Variants in ARHGEF15 observed in about 807,000 individuals in gnomAD.
The protein encoded by ARHGEF15 is Rho guanine nucleotide exchange factor 15.
In ARHGEF15, 58 loss-of-function variants were observed where a neutral mutation model predicts 79.7. The observed-to-expected ratio is 0.73, with a 90% CI of 0.59 to 0.91. ARHGEF15 has a LOEUF of 0.91. Ranked by LOEUF, ARHGEF15 falls within the 40% of genes least tolerant of loss-of-function variation. The pLI is 0.00. For synonymous variants in ARHGEF15, 442 were observed against 456.0 expected (o/e 0.97, Z 0.39); for missense variants, 1,012 against 1,108.1 (o/e 0.91, Z 1.23).
Position 8,312,516 on chromosome 17 carries a change from G to A in ARHGEF15, c.477G>A (p.Gly159=). 1 of 1,611,354 alleles carries A rather than the reference G, an allele frequency of 6.2e-7. No individual in the cohort carries two copies. Among genetic ancestry groups the A allele is most frequent in the Non-Finnish European group, 8.5e-7 (1 of 1,178,820 alleles). The part of the protein sequence containing the change: ...TVRRLAGRFE[G]GAEGRAQDAD... ...GGAGGCTGGCTGGCAGGTTTGAAGGGGGTGCTGAAGGCCGGGCTCAGGATG... is the reference window on the plus strand; with the variant it reads ...GGAGGCTGGCTGGCAGGTTTGAAGGAGGTGCTGAAGGCCGGGCTCAGGATG... Residue 159 remains glycine (G), a synonymous_variant, in exon 2 of 16, where the codon GGG becomes GGA. Transcript: ENST00000361926.
rs871841 is a variant in ARHGEF15, at chr17:8,313,150, T to C, written c.830T>C (p.Leu277Pro). Residue 277 changes from leucine to proline, a missense_variant, in exon 3 of 16, where the codon CTC becomes CCC. Physicochemically the swap from Leu to Pro is moderately conservative, Grantham distance 98. Coordinates refer to ENST00000361926, the MANE Select transcript of ARHGEF15 (RefSeq NM_173728.4). ...RSTAERKLLP[L>P]LKPPKPTRVR... ...ACTGCTGAGCGCAAACTCCTGCCAC[T>C]CCTCAAGCCTCCCAAACCAACTCGT... is the stretch of plus-strand genomic sequence containing the variant. 842,996 of 1,595,034 alleles carry C rather than the reference T, an allele frequency of 0.53. 225,057 individuals are homozygous for C. The highest frequency in any genetic ancestry group is 0.78 in the East Asian group (34,675 of 44,550).
rs1220130936 is a variant in ARHGEF15, at chr17:8,318,328, C to T, written c.1705-59C>T. 2.0e-6 allele frequency: 3 copies of T among 1,534,818 alleles called. No individual in the cohort carries two copies. The highest frequency in any genetic ancestry group is 2.7e-6 in the Non-Finnish European group (3 of 1,123,004). Reference sequence around the variant, plus strand: ...AGACAGGGTCCTCTGAGCTGTGGCCCCTCTGAATCCCAGGGCCACAGAGCA... The same window carrying T: ...AGACAGGGTCCTCTGAGCTGTGGCCTCTCTGAATCCCAGGGCCACAGAGCA... On this transcript the variant is annotated intron_variant, in intron 9 of 15. Coordinates refer to ENST00000361926, the MANE Select transcript of ARHGEF15 (RefSeq NM_173728.4). The surrounding 1 kb of genome is among the most constrained non-coding windows in gnomAD (Gnocchi z 5.0).
rs1359357762 is a variant in ARHGEF15, at chr17:8,315,724, G to T, written c.1422-31G>T. 6.2e-7 allele frequency: 1 copy of T among 1,605,446 alleles called. No homozygotes were observed. The highest frequency in any genetic ancestry group is 8.5e-7 in the Non-Finnish European group (1 of 1,175,434). ...CCCGGGAGACCTGGCTCTCTGCCCC[G>T]CCCCATTGCTTGCTTCCCCAATTCC... On this transcript the variant is annotated intron_variant, in intron 7 of 15. Transcript: ENST00000361926. This position sits in a 1 kb window ranked among gnomAD's most constrained non-coding sequence, Gnocchi z 4.3.
At position 8,312,565 on chromosome 17, in the gene ARHGEF15, C is replaced by T; in HGVS notation, c.526C>T (p.Gln176Ter). 1 of 1,609,154 alleles carries T rather than the reference C, an allele frequency of 6.2e-7. No individual in the cohort carries two copies. The highest frequency in any genetic ancestry group is 8.5e-7 in the Non-Finnish European group (1 of 1,177,476). The part of the protein sequence containing the change: ...QDADAPEPGL[Q>*]ARADVNGERE... ...TGCAGATGCCCCGGAGCCAGGTCTC[C>T]AAGCGAGAGCAGATGTGAATGGGGA... The change falls in exon 2 of 16, where the codon CAA becomes TAA. Residue 176 changes from glutamine (Q) to a stop codon, truncating the protein, a stop_gained. Transcript: ENST00000361926. LOFTEE classifies it high-confidence loss of function.
chr17:8,316,167 G>A lies in ARHGEF15; in HGVS notation c.1704+19G>A, dbSNP rs1452708751. The stretch of plus-strand genomic sequence containing the variant: ...GCTGCAGGTACCTGTCCCAGCTGCG[G>A]CCGTTTCTGCCCCACCAACCCCATC... On this transcript the variant is annotated intron_variant, in intron 9 of 15. Coordinates refer to ENST00000361926, the MANE Select transcript of ARHGEF15 (RefSeq NM_173728.4). 2.5e-6 allele frequency: 4 copies of A among 1,596,102 alleles called. No individual in the cohort carries two copies. The highest frequency in any genetic ancestry group is 3.4e-6 in the Non-Finnish European group (4 of 1,177,588).
At position 8,315,585 on chromosome 17, in the gene ARHGEF15, T is replaced by A; in HGVS notation, c.1421+11T>A. 6.2e-7 allele frequency: 1 copy of A among 1,606,434 alleles called. No individual in the cohort carries two copies. The highest frequency in any genetic ancestry group is 8.5e-7 in the Non-Finnish European group (1 of 1,179,888). On this transcript the variant is annotated intron_variant, in intron 7 of 15. Coordinates refer to ENST00000361926, the MANE Select transcript of ARHGEF15 (RefSeq NM_173728.4). The surrounding 1 kb of genome is among the most constrained non-coding windows in gnomAD (Gnocchi z 4.3). ...GGGAGTCAGCGAGCGGTCAGTGGCT[T>A]TCCGTCCTTCCAGGGAACCTGCCCT...
chr17:8,319,164 G>T lies in ARHGEF15; in HGVS notation c.2186+5G>T. 6.2e-7 allele frequency: 1 copy of T among 1,613,196 alleles called. No homozygotes were observed. The highest frequency in any genetic ancestry group is 8.5e-7 in the Non-Finnish European group (1 of 1,179,628). Reference sequence around the variant, plus strand: ...ACTACTCCAAGCTTCTTCCCTGTGAGTTGTGTTTCCCTCAGAAAACAACCT... The same window carrying T: ...ACTACTCCAAGCTTCTTCCCTGTGATTTGTGTTTCCCTCAGAAAACAACCT... On this transcript the variant is annotated splice_donor_5th_base_variant and intron_variant, in intron 13 of 15. Transcript: ENST00000361926.
chr17:8,315,311 G>A lies in ARHGEF15; in HGVS notation c.1260+34G>A, dbSNP rs905224245. ...TGGAGGTGGGAGATGGGAGGGGGGT[G>A]CTGGGGTTGGGCTGCATGGGTCAGG... is the stretch of plus-strand genomic sequence containing the variant. On this transcript the variant is annotated intron_variant, in intron 6 of 15. Coordinates refer to ENST00000361926, the MANE Select transcript of ARHGEF15 (RefSeq NM_173728.4). The surrounding 1 kb of genome is among the most constrained non-coding windows in gnomAD (Gnocchi z 4.3). 1.2e-6 allele frequency: 2 copies of A among 1,611,392 alleles called. No homozygotes were observed. Among genetic ancestry groups the A allele is most frequent in the East Asian group, 2.2e-5 (1 of 44,832 alleles).
Position 8,315,303 on chromosome 17 carries a change from A to G in ARHGEF15, c.1260+26A>G, listed in dbSNP as rs1374735014. On this transcript the variant is annotated intron_variant, in intron 6 of 15. Coordinates refer to ENST00000361926, the MANE Select transcript of ARHGEF15 (RefSeq NM_173728.4). This position sits in a 1 kb window ranked among gnomAD's most constrained non-coding sequence, Gnocchi z 4.3. ...GTGGGAGCTGGAGGTGGGAGATGGG[A>G]GGGGGGTGCTGGGGTTGGGCTGCAT... 1.2e-6 allele frequency: 2 copies of G among 1,608,936 alleles called. No individual in the cohort carries two copies. Among genetic ancestry groups the G allele is most frequent in the Non-Finnish European group, 1.7e-6 (2 of 1,177,350 alleles).
At chr17:8,311,755 A>C (rs1904634562) in intron 1 of ARHGEF15, among the ~76,000 whole-genome samples, 1 of 151,632 alleles carries the variant, frequency 6.6e-6, no homozygotes, top group Non-Finnish European at 1.5e-5. Context: ...GCACACTCAC[A>C]ACACACCATG....
Position 8,318,593 on chromosome 17 carries a change from G to A in ARHGEF15, c.1803G>A (p.Glu601=), listed in dbSNP as rs1337367488. 2 of 1,613,884 alleles carry A rather than the reference G, an allele frequency of 1.2e-6. No individual in the cohort carries two copies. The highest frequency in any genetic ancestry group is 1.7e-5 in the Admixed American group (1 of 60,010). The change falls in exon 11 of 16, where the codon GAG becomes GAA. Residue 601 remains glutamate, a synonymous_variant. Transcript: ENST00000361926. This position sits in a 1 kb window ranked among gnomAD's most constrained non-coding sequence, Gnocchi z 5.0. ...VSKIIERCSA[E]VGRMKQTEEL... ...AGATCATCGAGCGTTGCAGCGCTGA[G>A]GTGGGGCGCATGAAGCAGACTGAAG... is the stretch of plus-strand genomic sequence containing the variant.
Position 8,318,357 on chromosome 17 carries a change from G to A in ARHGEF15, c.1705-30G>A, listed in dbSNP as rs375008948. ...TGAATCCCAGGGCCACAGAGCAGGG[G>A]GCCCAGTCACCCTTCCTCCTTGTCC... On this transcript the variant is annotated intron_variant, in intron 9 of 15. Coordinates refer to ENST00000361926, the MANE Select transcript of ARHGEF15 (RefSeq NM_173728.4). This position sits in a 1 kb window ranked among gnomAD's most constrained non-coding sequence, Gnocchi z 5.0. 5.6e-6 allele frequency: 9 copies of A among 1,605,926 alleles called. No homozygotes were observed. In the African/African-American group the frequency reaches 8.0e-5, roughly 14 times the overall value.
In ARHGEF15 at chr17:8,318,222, C is replaced by G. The variant is rs191338498; in HGVS notation, c.1705-165C>G. On this transcript the variant is annotated intron_variant, in intron 9 of 15. Transcript: ENST00000361926. This position sits in a 1 kb window ranked among gnomAD's most constrained non-coding sequence, Gnocchi z 5.0. ...TTTTACAGATAGGGAAGCTGAGGCT[C>G]AGAGAGGTAACAGGACTTGCTCAGG... The G allele has an allele frequency of 3.0e-6, 2 of 673,696 alleles. No individual in the cohort carries two copies. The highest frequency in any genetic ancestry group is 3.6e-5 in the African/African-American group (2 of 55,686). 41.7% of individuals were successfully genotyped at this position (673,696 alleles called of 1,614,324 possible). A position where few individuals can be genotyped will look rare whatever the true frequency, so the allele number is the denominator to read the frequency against.
In ARHGEF15 at chr17:8,313,069, G is replaced by T. The variant is rs763801843; in HGVS notation, c.749G>T (p.Arg250Leu). Reference sequence around the variant, plus strand: ...TCCCCGCTGCGGACCTCTCGCTCCCGCCCCCACCCTCCAAGCATCGGTCAC... The same window carrying T: ...TCCCCGCTGCGGACCTCTCGCTCCCTCCCCCACCCTCCAAGCATCGGTCAC... ...RASPLRTSRS[R>L]PHPPSIGHPA... The change falls in exon 3 of 16, where the codon CGC (arginine) becomes CTC (leucine). Residue 250 changes from arginine to leucine, a missense_variant. This residue lies in a region of ARHGEF15 where 818 missense variants were observed against 882.5 expected (regional missense o/e 0.93). Coordinates refer to ENST00000361926, the MANE Select transcript of ARHGEF15 (RefSeq NM_173728.4). The T allele has an allele frequency of 6.4e-7, 1 of 1,573,266 alleles. No individual in the cohort carries two copies. Among genetic ancestry groups the T allele is most frequent in the South Asian group, 1.1e-5 (1 of 87,880 alleles).
chr17:8,313,062 C>T lies in ARHGEF15; in HGVS notation c.742C>T (p.Arg248Cys), dbSNP rs768143236. The part of the protein sequence containing the change: ...PRRASPLRTS[R>C]SRPHPPSIGH... ...TCGGGCCTCCCCGCTGCGGACCTCT[C>T]GCTCCCGCCCCCACCCTCCAAGCAT... Residue 248 changes from arginine (R) to cysteine (C), a missense_variant, in exon 3 of 16, where the codon CGC becomes TGC. This residue lies in a region of ARHGEF15 where 818 missense variants were observed against 882.5 expected (regional missense o/e 0.93). Coordinates refer to ENST00000361926, the MANE Select transcript of ARHGEF15 (RefSeq NM_173728.4). 1.2e-5 allele frequency: 19 copies of T among 1,613,410 alleles called. No homozygotes were observed. Among genetic ancestry groups the T allele is most frequent in the East Asian group, 2.2e-5 (1 of 44,880 alleles).
Position 8,321,286 on chromosome 17 carries a change from C to A in ARHGEF15, c.*293C>A, listed in dbSNP as rs1245122745. ...ATGGCCAATGAGTATTCCTGCTATG[C>A]TCAGGGCCAAGGAAGACAAATCTAG... On this transcript the variant is annotated 3_prime_UTR_variant, in exon 16 of 16. Transcript: ENST00000361926. 1 of 310,138 alleles carries A rather than the reference C, an allele frequency of 3.2e-6. No homozygotes were observed. The highest frequency in any genetic ancestry group is 4.6e-5 in the Admixed American group (1 of 21,846). The allele number at this position is 310,138 out of a possible 1,614,324, so 19.2% of individuals were successfully genotyped here.
In ARHGEF15 at chr17:8,315,347, G is replaced by A; in HGVS notation, c.1261-67G>A. 6.2e-7 allele frequency: 1 copy of A among 1,611,564 alleles called. No individual in the cohort carries two copies. The highest frequency in any genetic ancestry group is 8.5e-7 in the Non-Finnish European group (1 of 1,178,496). The stretch of plus-strand genomic sequence containing the variant: ...GCTGCATGGGTCAGGCATAGGGGAG[G>A]AGGGCCCAGGGTCCTAGCTTCCCAC... On this transcript the variant is annotated intron_variant, in intron 6 of 15. Transcript: ENST00000361926. This position sits in a 1 kb window ranked among gnomAD's most constrained non-coding sequence, Gnocchi z 4.3.
chr17:8,319,394 G>A lies in ARHGEF15; in HGVS notation c.2269G>A (p.Asp757Asn). 1 of 1,613,324 alleles carries A rather than the reference G, an allele frequency of 6.2e-7. No individual in the cohort carries two copies. The highest frequency in any genetic ancestry group is 8.5e-7 in the Non-Finnish European group (1 of 1,179,708). ...CCCAGACACCATCTATGAGGACTGT[G>A]GTGAGTATCCCCCTAGAGGGGATGA... is the stretch of plus-strand genomic sequence containing the variant. ...CSPDTIYEDC[D>N]CSQELCSESS... Residue 757 changes from aspartate (D) to asparagine (N), a missense_variant and splice_region_variant, in exon 14 of 16, where the codon GAC (aspartate) becomes AAC (asparagine). Physicochemically the swap from Asp to Asn is conservative, Grantham distance 23 (BLOSUM62 1). Coordinates refer to ENST00000361926, the MANE Select transcript of ARHGEF15 (RefSeq NM_173728.4).
rs1258246502 is a variant in ARHGEF15 at position 8,315,053 on chromosome 17, G to A, written c.1049-13G>A. On this transcript the variant is annotated splice_polypyrimidine_tract_variant and intron_variant, in intron 5 of 15. Transcript: ENST00000361926. The surrounding 1 kb of genome is among the most constrained non-coding windows in gnomAD (Gnocchi z 4.3). ...GCCCTGGGCTTCCCTGAAGTGCTAT[G>A]TTTGCCCTCTAGAACCTCTGTACCA... 2 of 1,613,304 alleles carry A rather than the reference G, an allele frequency of 1.2e-6. No individual in the cohort carries two copies. Among genetic ancestry groups the A allele is most frequent in the African/African-American group, 2.7e-5 (2 of 74,918 alleles).
Sources: allele counts gnomAD v4.1 joint callset (sites outside exome capture counted in the v4.1 genomes callset), GRCh38; gene constraint gnomAD v4.1.1; regional missense constraint gnomAD v4.1.1; non-coding constraint Gnocchi (gnomAD v3.1); transcripts MANE v1.5; gene names NCBI Gene and HGNC (gene_info 2026-07-23, HGNC 2026-07-21).